RC3H2: variants seen among roughly 807,000 people sequenced by gnomAD.
The protein encoded by RC3H2 is roquin-2.
RC3H2 carries 31 observed loss-of-function variants against 133.3 expected under a neutral mutation model. That is an observed-to-expected ratio of 0.23 (90% CI 0.17 to 0.31). RC3H2 has a LOEUF of 0.31. Ranked by LOEUF, RC3H2 falls within the 10% of genes least tolerant of loss-of-function variation. RC3H2 has a pLI of 1.00. For synonymous variants in RC3H2, 517 were observed against 502.2 expected (o/e 1.03, Z -0.40); for missense variants, 1,175 against 1,437.2 (o/e 0.82, Z 2.95).
In RC3H2 at chr9:122,848,080, G is replaced by A. The variant is rs1829906723; in HGVS notation, c.*1547C>T. On this transcript the variant is annotated 3_prime_UTR_variant, in exon 21 of 21. Coordinates refer to ENST00000357244, the MANE Select transcript of RC3H2 (RefSeq NM_001100588.3). Reference sequence around the variant, plus strand: ...AAAATCTTATCTGATACAATGCTGTGGTTTTGTAAAACAACTAAATAGCTC... The same window carrying A: ...AAAATCTTATCTGATACAATGCTGTAGTTTTGTAAAACAACTAAATAGCTC... 1.3e-5 allele frequency: 2 copies of A among 152,016 alleles called. No homozygotes were observed. Among genetic ancestry groups the A allele is most frequent in the Admixed American group, 1.3e-4 (2 of 15,250 alleles). The allele number at this position is 152,016 out of a possible 1,614,324, so 9.4% of individuals were successfully genotyped here. A position where few individuals can be genotyped will look rare whatever the true frequency, so the allele number is the denominator to read the frequency against.
intron 10 of RC3H2, among the ~76,000 whole-genome samples, chr9:122,863,288 A>G (rs889506689): frequency 2.6e-5 from 4 of 152,212 alleles, no homozygotes; most frequent in Non-Finnish European, 4.4e-5. Context: ...GTATGGATAT[A>G]AAACAGTTTT....
chr9:122,875,948 A>G (rs1267856611), intron 9 of RC3H2, among the ~76,000 whole-genome samples: 2 of 152,232 alleles, frequency 1.3e-5, no homozygotes, highest in African/African-American at 4.8e-5. Flanking sequence ...GGGTGGTATG[A>G]GTAAATCTGT....
Position 122,852,518 on chromosome 9 carries a change from G to A in RC3H2, c.3118-1082C>T, listed in dbSNP as rs1281768603. Among the ~76,000 whole-genome samples the A allele has an allele frequency of 6.9e-5, 10 of 145,954 alleles. No individual in the cohort carries two copies. The East Asian group carries it at 1.7e-3, about 25-fold the overall frequency. On this transcript the variant is annotated intron_variant, in intron 18 of 20. Coordinates refer to ENST00000357244, the MANE Select transcript of RC3H2 (RefSeq NM_001100588.3). ...GCCCCTCTGCCTAGCCAGCCGCCCC[G>A]TCCGGGAGGGAGGTGGGGGGGTCAG...
chr9:122,868,043 C>A (rs1362316939), intron 9 of RC3H2, among the ~76,000 whole-genome samples: 1 of 124,846 alleles, frequency 8.0e-6, no homozygotes, highest in African/African-American at 3.0e-5. Flanking sequence ...CTCTGCCCAG[C>A]CAGCCGCTCC....
intron 2 of RC3H2, 72 bp from the exon 3 acceptor site, chr9:122,893,098 T>A (rs1832258360): frequency 6.5e-7 from 1 of 1,531,638 alleles, no homozygotes; most frequent in Admixed American, 1.9e-5. Context: ...TTTATGTACT[T>A]GATAATAATC....
chr9:122,874,511 ATTATTT>A, intron 9 of RC3H2: 1 of 149,394 alleles, frequency 6.7e-6, no homozygotes, highest in East Asian at 2.1e-4. Context: ...TTATTATTTT[ATTATTT>A]TTATTTATTT....
chr9:122,858,232 C>T, intron 12 of RC3H2, 139 bp from the exon 13 acceptor site: 2 of 715,450 alleles, frequency 2.8e-6, no homozygotes, highest in East Asian at 2.7e-5. Flanking sequence ...GTCTATTCTC[C>T]ATACACTTAA....
At chr9:122,891,157 T>C (rs940562015) in intron 3 of RC3H2, among the ~76,000 whole-genome samples, 2 of 151,786 alleles carry the variant, frequency 1.3e-5, no homozygotes, top group Non-Finnish European at 2.9e-5. Context: ...GTAGCTGGGA[T>C]TACAGGTGAG....
At chr9:122,859,189 G>T in intron 11 of RC3H2, 87 bp from the exon 12 acceptor site, 1 of 1,000,808 alleles carries the variant, frequency 1.0e-6, no homozygotes, top group Non-Finnish European at 1.4e-6. Flanking sequence ...AGCCCTTAAT[G>T]TAGGAAAATA....
chr9:122,903,273 T>G (rs1351170360), intron 1 of RC3H2, among the ~76,000 whole-genome samples: 1 of 152,214 alleles, frequency 6.6e-6, no homozygotes, highest in Non-Finnish European at 1.5e-5. Flanking sequence ...ATTTTACCCA[T>G]GCTTCCTTTT....
intron 9 of RC3H2, among the ~76,000 whole-genome samples, chr9:122,869,122 TCTCAAAATCCTGACCTCA>T (rs1391008957): frequency 1.3e-5 from 2 of 151,946 alleles, no homozygotes; most frequent in Non-Finnish European, 2.9e-5. Context: ...GCCAGGCTGG[TCTCAAAATCCTGACCTCA>T]GGTGATCTGC....
In RC3H2 at chr9:122,890,314, G is replaced by C; in HGVS notation, c.581C>G (p.Pro194Arg). 1 of 1,613,324 alleles carries C rather than the reference G, an allele frequency of 6.2e-7. No homozygotes were observed. The highest frequency in any genetic ancestry group is 8.5e-7 in the Non-Finnish European group (1 of 1,179,370). The part of the protein sequence containing the change: ...VRARGCQFLG[P>R]AMQEEALKLV... The stretch of plus-strand genomic sequence containing the variant: ...GGTAAGATAGTAACCTATCTTACCT[G>C]GCCCTAAAAACTGGCATCCTCGAGC... Residue 194 changes from proline to arginine, a missense_variant and splice_region_variant, in exon 4 of 21, where the codon CCA (proline) becomes CGA (arginine). Around this residue, in one of 8 missense-constraint regions of RC3H2, gnomAD observed 121 missense variants for 243.5 expected, o/e 0.50. Transcript: ENST00000357244.
intron 14 of RC3H2, 139 bp from the exon 15 acceptor site, chr9:122,855,536 T>C (rs926462635): frequency 1.1e-6 from 1 of 943,428 alleles, no homozygotes; most frequent in Non-Finnish European, 1.6e-6. Flanking sequence ...TCCAACAAAC[T>C]ACCAGTAAAC....
chr9:122,849,867 C>T, intron 20 of RC3H2, 45 bp from the exon 21 acceptor site: 1 of 1,398,254 alleles, frequency 7.2e-7, no homozygotes, highest in Non-Finnish European at 9.7e-7. Flanking sequence ...GCTTTAAGTG[C>T]AAACTGTTAA....
At chr9:122,867,667 TG>T (rs1425906523) in intron 9 of RC3H2, among the ~76,000 whole-genome samples, 1 of 103,438 alleles carries the variant, frequency 9.7e-6, no homozygotes, top group Non-Finnish European at 2.1e-5. Flanking sequence ...GGAGCGCCTT[TG>T]CCCCACCGCC....
At position 122,858,994 on chromosome 9, in the gene RC3H2, G is replaced by A. The variant is rs373218840; in HGVS notation, c.1958C>T (p.Pro653Leu). The A allele has an allele frequency of 6.2e-7, 1 of 1,614,006 alleles. No individual in the cohort carries two copies. The highest frequency in any genetic ancestry group is 8.5e-7 in the Non-Finnish European group (1 of 1,179,972). Reference protein sequence around the residue: ...PESSLPPASMPYADHYSTFSP... With the variant: ...PESSLPPASMLYADHYSTFSP... Reference sequence around the variant, plus strand: ...AAATGTACTGTAATGATCGGCATATGGCATGGAAGCAGGTGGGAGGGAGGA... The same window carrying A: ...AAATGTACTGTAATGATCGGCATATAGCATGGAAGCAGGTGGGAGGGAGGA... Residue 653 changes from proline (P) to leucine (L), a missense_variant, in exon 12 of 21, where the codon CCA becomes CTA. Physicochemically the swap from Pro to Leu is moderately conservative, Grantham distance 98. Transcript: ENST00000357244.
rs1829900247 is a variant in RC3H2, at chr9:122,847,754, G to A, written c.*1873C>T. 6.6e-6 allele frequency: 1 copy of A among 151,954 alleles called. No homozygotes were observed. Among genetic ancestry groups the A allele is most frequent in the Admixed American group, 6.5e-5 (1 of 15,268 alleles). 9.4% of individuals were successfully genotyped at this position (151,954 alleles called of 1,614,324 possible). ...CATAGGGATGGGGAGCACTGGCCAT[G>A]GCAAAAAAGGTACAGTACTAACCAA... On this transcript the variant is annotated 3_prime_UTR_variant, in exon 21 of 21. Transcript: ENST00000357244.
At chr9:122,862,210 C>T (rs1042402666) in intron 10 of RC3H2, among the ~76,000 whole-genome samples, 4 of 151,640 alleles carry the variant, frequency 2.6e-5, no homozygotes, top group African/African-American at 9.7e-5. Context: ...ATAGAAAAAG[C>T]TAATCTTCAA....
At position 122,855,395 on chromosome 9, in the gene RC3H2, G is replaced by C. The variant is rs533543024; in HGVS notation, c.2604C>G (p.Asp868Glu). 6.2e-7 allele frequency: 1 copy of C among 1,612,240 alleles called. No individual in the cohort carries two copies. Among genetic ancestry groups the C allele is most frequent in the East Asian group, 2.2e-5 (1 of 44,884 alleles). The change falls in exon 15 of 21, where the codon GAC becomes GAG. Residue 868 changes from aspartate to glutamate, a missense_variant and splice_region_variant. Transcript: ENST00000357244. ...VIANSNAVLMDLDSGDVKRRV... is the reference protein window; with the variant it reads ...VIANSNAVLMELDSGDVKRRV... ...TTCTCTTAACATCACCACTGTCCAG[G>C]TCCTATGTAAACCAAAGAAAATCAA...
Sources: gnomAD v4.1 joint callset for allele counts (sites outside exome capture counted in the v4.1 genomes callset) on GRCh38, gnomAD v4.1.1 for gene constraint, gnomAD v4.1.1 regional missense constraint, MANE v1.5 for transcripts, NCBI Gene and HGNC (gene_info 2026-07-23, HGNC 2026-07-21) for gene names.